SBF2: variants seen among roughly 807,000 people sequenced by gnomAD.
The protein encoded by SBF2 is SET binding factor 2, also known as myotubularin-related protein 13.
Under a neutral mutation model 225.2 loss-of-function variants are expected in SBF2, and 112 were observed. The observed-to-expected ratio is 0.50, with a 90% confidence interval of 0.43 to 0.58. The LOEUF (loss-of-function observed/expected upper bound fraction) is 0.58. Among genes scored for constraint, SBF2 ranks in the 20% least tolerant of loss-of-function variants. The pLI, the probability that SBF2 is intolerant of heterozygous loss-of-function variation, is 0.00. For synonymous variants in SBF2, 763 were observed against 773.3 expected (o/e 0.99, Z 0.22); for missense variants, 1,996 against 2,206.2 (o/e 0.90, Z 1.91).
chr11:9,819,578 T>TA (rs1854639994), intron 28 of SBF2: 1 of 152,186 alleles, frequency 6.6e-6, no homozygotes, highest in Non-Finnish European at 1.5e-5. Flanking sequence ...AAGGTGCCAC[T>TA]AAAAAATTAT....
At chr11:10,304,322 A>G (rs1475458399) in intron 1 of SBF2, among the ~76,000 whole-genome samples, 1 of 152,256 alleles carries the variant, frequency 6.6e-6, no homozygotes, top group Non-Finnish European at 1.5e-5. Flanking sequence ...CTTATAAGGC[A>G]TAATAGGATT....
At chr11:10,126,361 T>C (rs1380204817) in intron 2 of SBF2, among the ~76,000 whole-genome samples, 1 of 152,120 alleles carries the variant, frequency 6.6e-6, no homozygotes, top group African/African-American at 2.4e-5. Context: ...GGTTTTCTAA[T>C]TTACTGTCAC....
intron 36 of SBF2, 146 bp downstream of exon 36, chr11:9,787,488 A>C (rs1852448929): frequency 8.5e-6 from 6 of 709,672 alleles, no homozygotes; most frequent in Non-Finnish European, 1.5e-5. Context: ...TCTGCCCTGG[A>C]CCTCCAGGAC....
chr11:9,946,553 T>C (rs1296251008), intron 16 of SBF2, among the ~76,000 whole-genome samples: 3 of 151,464 alleles, frequency 2.0e-5, no homozygotes, highest in Non-Finnish European at 2.9e-5. Context: ...CAGGTTCAAG[T>C]GATTCTCCTG....
At position 9,789,113 on chromosome 11, in the gene SBF2, A is replaced by G; in HGVS notation, c.4928T>C (p.Phe1643Ser). 6.2e-7 allele frequency: 1 copy of G among 1,613,974 alleles called. No homozygotes were observed. The highest frequency in any genetic ancestry group is 8.5e-7 in the Non-Finnish European group (1 of 1,179,856). The change falls in exon 35 of 40, where the codon TTC becomes TCC. Residue 1643 changes from phenylalanine (F) to serine (S), a missense_variant. Phe to Ser is a radical substitution (Grantham distance 155). Transcript: ENST00000256190. Reference sequence around the variant, plus strand: ...GTGTGTCTACAGTTGACTTACACTGAAAAGGCTGGTGAGAGCATCAGGCTG... The same window carrying G: ...GTGTGTCTACAGTTGACTTACACTGGAAAGGCTGGTGAGAGCATCAGGCTG... ...CTQPDALTSL[F>S]SEIEKLEHKL... is the part of the protein sequence containing the mutation.
intron 16 of SBF2, among the ~76,000 whole-genome samples, chr11:9,945,338 CAATGAAGAAA>C (rs543923995): frequency 2.9e-3 from 440 of 152,220 alleles, no homozygotes; most frequent in Middle Eastern, 0.017. Context: ...GAGTAAGAAG[CAATGAAGAAA>C]GGACTTCCTA....
intron 6 of SBF2, among the ~76,000 whole-genome samples, chr11:10,008,852 T>C (rs1056707401): frequency 1.6e-4 from 24 of 152,360 alleles, no homozygotes; most frequent in African/African-American, 5.8e-4. Context: ...GGTAGGACTA[T>C]AAGTTTTCTT....
intron 1 of SBF2, among the ~76,000 whole-genome samples, chr11:10,210,531 A>G (rs900141416): frequency 2.6e-5 from 4 of 152,184 alleles, no homozygotes; most frequent in Admixed American, 2.6e-4. Flanking sequence ...CTGCTAAAAC[A>G]CAAGAGTTTT....
At position 9,853,594 on chromosome 11, in the gene SBF2, T is replaced by A; in HGVS notation, c.2482A>T (p.Thr828Ser). 1 of 1,614,046 alleles carries A rather than the reference T, an allele frequency of 6.2e-7. No homozygotes were observed. Among genetic ancestry groups the A allele is most frequent in the Non-Finnish European group, 8.5e-7 (1 of 1,179,942 alleles). Residue 828 changes from threonine to serine, a missense_variant, in exon 20 of 40, where the codon ACA becomes TCA. Coordinates refer to ENST00000256190, the MANE Select transcript of SBF2 (RefSeq NM_030962.4). The part of the protein sequence containing the change: ...FITRFIDKVC[T>S]ESGVTQDHIK... ...TGATCCTGAGTAACTCCACTCTCTG[T>A]ACAAACTTTGTCAATAAATCGGGTA...
intron 33 of SBF2, among the ~76,000 whole-genome samples, chr11:9,792,921 TTGTG>T (rs767829391): frequency 3.6e-5 from 5 of 140,192 alleles, no homozygotes; most frequent in South Asian, 2.3e-4. Flanking sequence ...CCCAGCTAAT[TTGTG>T]TGTGTGTGTG....
At chr11:9,996,270 A>G (rs1195124583) in intron 9 of SBF2, among the ~76,000 whole-genome samples, 2 of 152,124 alleles carry the variant, frequency 1.3e-5, no homozygotes, top group African/African-American at 2.4e-5. Context: ...GAAACATTAA[A>G]CTTTCTTCAG....
At chr11:10,067,411 G>C (rs908521324) in intron 2 of SBF2, among the ~76,000 whole-genome samples, 8 of 152,034 alleles carry the variant, frequency 5.3e-5, no homozygotes, top group African/African-American at 1.9e-4. Flanking sequence ...AGTAGAAGTT[G>C]TAAAACTGAG....
intron 8 of SBF2, among the ~76,000 whole-genome samples, chr11:9,999,784 T>G (rs1947875341): frequency 6.6e-6 from 1 of 152,160 alleles, no homozygotes; most frequent in South Asian, 2.1e-4. Context: ...ACATATAAAG[T>G]TAGAAAGAAT....
chr11:10,184,700 T>C (rs572593040), intron 2 of SBF2, among the ~76,000 whole-genome samples: 1 of 152,308 alleles, frequency 6.6e-6, no homozygotes, highest in East Asian at 1.9e-4. Flanking sequence ...ATTAGTGAAA[T>C]CACACAGTAT....
chr11:9,816,115 T>C (rs189373605), intron 29 of SBF2, among the ~76,000 whole-genome samples: 39 of 152,328 alleles, frequency 2.6e-4, no homozygotes, highest in Admixed American at 5.9e-4. Context: ...ATATACCTAC[T>C]GGTAGTAATG....
In SBF2 at chr11:10,017,151, CA is replaced by C. The variant is rs1457807546; in HGVS notation, c.619+11300del. Among the ~76,000 whole-genome samples, 19 of 152,272 alleles carry C rather than the reference CA, an allele frequency of 1.2e-4. No homozygotes were observed. In the East Asian group the frequency reaches 2.9e-3, roughly 23 times the overall value. The stretch of plus-strand genomic sequence containing the variant: ...CTTGAAAGGTTAGAGTTCTAAAATT[CA>C]TTGCACCACATGTTAACAAATGTAT... On this transcript the variant is annotated intron_variant, in intron 6 of 39. Coordinates refer to ENST00000256190, the MANE Select transcript of SBF2 (RefSeq NM_030962.4).
At chr11:10,093,413 C>T (rs775596619) in intron 2 of SBF2, among the ~76,000 whole-genome samples, 1 of 150,726 alleles carries the variant, frequency 6.6e-6, no homozygotes, top group Non-Finnish European at 1.5e-5. Context: ...AAAATTTCTT[C>T]CAATCTTGAA....
chr11:10,126,542 T>C (rs759795170), intron 2 of SBF2, among the ~76,000 whole-genome samples: 6 of 152,066 alleles, frequency 3.9e-5, no homozygotes, highest in Non-Finnish European at 4.4e-5. Flanking sequence ...CTAGCTATAA[T>C]ATATAATACA....
chr11:10,012,130 A>T (rs1948482249), intron 6 of SBF2, among the ~76,000 whole-genome samples: 1 of 152,116 alleles, frequency 6.6e-6, no homozygotes, highest in East Asian at 1.9e-4. Flanking sequence ...TGTTAAGCTC[A>T]GCTAGTGAAT....
Sources: allele counts gnomAD v4.1 joint callset (sites outside exome capture counted in the v4.1 genomes callset), GRCh38; gene constraint gnomAD v4.1.1; transcripts MANE v1.5; gene names NCBI Gene and HGNC (gene_info 2026-07-23, HGNC 2026-07-21).